PGGHG: variants seen among roughly 807,000 people sequenced by gnomAD.
The protein encoded by PGGHG is protein-glucosylgalactosylhydroxylysine glucosidase.
Under a neutral mutation model 74.5 loss-of-function variants are expected in PGGHG, and 67 were observed. The observed-to-expected ratio is 0.90, with a 90% CI of 0.74 to 1.10. The LOEUF is 1.10. Ranked by LOEUF, PGGHG falls within the 50% of genes least tolerant of loss-of-function variation. PGGHG has a pLI of 0.00. For missense variants in PGGHG, 1,034 were observed against 981.5 expected, an observed-to-expected ratio of 1.05 and a Z score of -0.72; for synonymous variants, 496 against 419.9, an observed-to-expected ratio of 1.18 and a Z score of -2.21.
rs755017190 is a variant in PGGHG at position 293,634 on chromosome 11, C to G, written c.1521C>G (p.Tyr507Ter). 2 of 1,613,640 alleles carry G rather than the reference C, an allele frequency of 1.2e-6. No individual in the cohort carries two copies. Among genetic ancestry groups the G allele is most frequent in the Non-Finnish European group, 1.7e-6 (2 of 1,180,022 alleles). Residue 507 changes from tyrosine (Y) to a stop codon, truncating the protein, a stop_gained, in exon 10 of 14, where the codon TAC becomes TAG. Transcript: ENST00000409548. LOFTEE classifies it high-confidence loss of function. Reference sequence around the variant, plus strand: ...AGGCAGACGTCGTGCTCCTGGGATACCCAGTCCCCTTCTCCCTGAGTCCTG... The same window carrying G: ...AGGCAGACGTCGTGCTCCTGGGATAGCCAGTCCCCTTCTCCCTGAGTCCTG... ...VKQADVVLLG[Y>*]PVPFSLSPDV...
chr11:292,529 C>A lies in PGGHG; in HGVS notation c.1027-17C>A. On this transcript the variant is annotated splice_polypyrimidine_tract_variant and intron_variant, in intron 5 of 13. Coordinates refer to ENST00000409548, the MANE Select transcript of PGGHG (RefSeq NM_025092.5). ...CCCCTCCAACAAGGTCAAGTCTGCC[C>A]CCTCCCAACCCCTCAGGGAGCCAAG... 1 of 1,612,220 alleles carries A rather than the reference C, an allele frequency of 6.2e-7. No individual in the cohort carries two copies.
At position 295,699 on chromosome 11, in the gene PGGHG, T is replaced by G. The variant is rs1845849064; in HGVS notation, c.*950T>G. 6.6e-6 allele frequency: 1 copy of G among 152,448 alleles called. No homozygotes were observed. The highest frequency in any genetic ancestry group is 1.5e-5 in the Non-Finnish European group (1 of 68,100). 9.4% of individuals were successfully genotyped at this position (152,448 alleles called of 1,614,324 possible). A position where few individuals can be genotyped will look rare whatever the true frequency, so the allele number is the denominator to read the frequency against. ...GCATTATTCCTCTGAGGAGCCGCTG[T>G]GCTTCCTTCTGAAGTGAGGGCCGTG... On this transcript the variant is annotated 3_prime_UTR_variant, in exon 14 of 14. Transcript: ENST00000409548.
chr11:293,137 G>C (rs373890304), intron 7 of PGGHG, 26 bp from the exon 8 acceptor site: 57 of 1,613,720 alleles, frequency 3.5e-5, no homozygotes, highest in Non-Finnish European at 4.5e-5. Flanking sequence ...TCTGCACTGA[G>C]CACCATCTTG....
rs200343647 is a variant in PGGHG, at chr11:294,409, G to C, written c.1951G>C (p.Ala651Pro). The change falls in exon 13 of 14, where the codon GCA (alanine) becomes CCA (proline). Residue 651 changes from alanine (A) to proline (P), a missense_variant. Transcript: ENST00000409548. The part of the protein sequence containing the change: ...DSVTVEVTAR[A>P]GPWAPHLEAE... ...CGTGACCGTGGAGGTCACAGCTCGA[G>C]CAGGGCCCTGGGCTCCTCACCTGGA... is the stretch of plus-strand genomic sequence containing the variant. 231 of 1,612,400 alleles carry C rather than the reference G, an allele frequency of 1.4e-4. No homozygotes were observed. The highest frequency in any genetic ancestry group is 1.8e-4 in the Non-Finnish European group (216 of 1,179,962).
At chr11:291,817 C>A in intron 4 of PGGHG, 159 bp from the exon 5 acceptor site, 2 of 1,068,620 alleles carry the variant, frequency 1.9e-6, no homozygotes, top group South Asian at 1.7e-5. Context: ...GGAGACAGAA[C>A]TGGGTGGGCA....
In PGGHG at chr11:292,065, C is replaced by A; in HGVS notation, c.996C>A (p.Ala332=). The change falls in exon 5 of 14, where the codon GCC becomes GCA. Residue 332 remains alanine (A), a synonymous_variant. Coordinates refer to ENST00000409548, the MANE Select transcript of PGGHG (RefSeq NM_025092.5). ...ACCGCATCCGCACGCTGGACGGGGC[C>A]CTGGAGAACGCCCAGAACCTGGGCT... ...LEYRIRTLDG[A]LENAQNLGYQ... The A allele has an allele frequency of 6.3e-7, 1 of 1,578,554 alleles. No homozygotes were observed. Among genetic ancestry groups the A allele is most frequent in the Non-Finnish European group, 8.6e-7 (1 of 1,161,986 alleles).
In PGGHG at chr11:290,390, G is replaced by T; in HGVS notation, c.260G>T (p.Gly87Val). The change falls in exon 3 of 14, where the codon GGC becomes GTC. Residue 87 changes from glycine (G) to valine (V), a missense_variant and splice_region_variant. Physicochemically the swap from Gly to Val is moderately radical, Grantham distance 109. Coordinates refer to ENST00000409548, the MANE Select transcript of PGGHG (RefSeq NM_025092.5). The part of the protein sequence containing the change: ...TETFALDTNT[G>V]SFLHTLEGPR... ...CCTGCCTTCGCTTCTGCCTCCCCAG[G>T]CTCCTTTCTTCACACCCTGGAGGGC... 5 of 1,543,210 alleles carry T rather than the reference G, an allele frequency of 3.2e-6. No individual in the cohort carries two copies. Among genetic ancestry groups the T allele is most frequent in the East Asian group, 2.4e-5 (1 of 40,908 alleles).
intron 5 of PGGHG, 138 bp downstream of exon 5, chr11:292,233 T>C (rs1845744480): frequency 4.7e-6 from 6 of 1,283,718 alleles, no homozygotes; most frequent in Non-Finnish European, 6.2e-6. Flanking sequence ...CTGAGGCTTG[T>C]GGGGCCTCAG....
chr11:291,058 G>A lies in PGGHG; in HGVS notation c.851G>A (p.Gly284Asp), dbSNP rs553210478. 6.2e-7 allele frequency: 1 copy of A among 1,609,138 alleles called. No homozygotes were observed. Among genetic ancestry groups the A allele is most frequent in the Non-Finnish European group, 8.5e-7 (1 of 1,177,586 alleles). Residue 284 changes from glycine to aspartate, a missense_variant, in exon 4 of 14, where the codon GGC becomes GAC. Physicochemically the swap from Gly to Asp is moderately conservative, Grantham distance 94. Transcript: ENST00000409548. ...GYICHGLSPGGLSNGSREECY... is the reference protein window; with the variant it reads ...GYICHGLSPGDLSNGSREECY... ...ATCTGCCATGGCCTCAGTCCTGGGG[G>A]CCTCTCCAATGGGAGCCGTGAGGAA...
chr11:293,075 A>C, intron 7 of PGGHG, 78 bp downstream of exon 7: 1 of 1,613,800 alleles, frequency 6.2e-7, no homozygotes, highest in South Asian at 1.1e-5. Flanking sequence ...CAGACACCTC[A>C]CGTGTGCCAG....
At chr11:293,329 A>G in intron 8 of PGGHG, 37 bp from the exon 9 acceptor site, 1 of 1,605,318 alleles carries the variant, frequency 6.2e-7, no homozygotes, top group South Asian at 1.1e-5. Context: ...CTGGAAGTGT[A>G]GGGGTTGCAG....
chr11:290,029 G>T lies in PGGHG; in HGVS notation c.213G>T (p.Gly71=). 1 of 1,544,882 alleles carries T rather than the reference G, an allele frequency of 6.5e-7. No individual in the cohort carries two copies. The change falls in exon 2 of 14, where the codon GGG becomes GGT. Residue 71 remains glycine (G), a synonymous_variant. Coordinates refer to ENST00000409548, the MANE Select transcript of PGGHG (RefSeq NM_025092.5). ...ACGTCCGGCTGGAGGCCCCTGCAGG[G>T]ATGGGGGAGCAGCTGACCGAGACCT... ...PLNVRLEAPA[G]MGEQLTETFA...
intron 2 of PGGHG, 75 bp downstream of exon 2, chr11:290,150 C>T: frequency 6.9e-7 from 1 of 1,459,682 alleles, no homozygotes; most frequent in Non-Finnish European, 9.1e-7. Flanking sequence ...AGCATCGAAT[C>T]CCACCAGCAC....
intron 2 of PGGHG, 47 bp from the exon 3 acceptor site, chr11:290,343 G>C (rs1285262802): frequency 4.0e-6 from 6 of 1,515,168 alleles, no homozygotes; most frequent in South Asian, 1.2e-5. Context: ...CTGCCCCAGA[G>C]AGGCCATAGC....
chr11:295,814 A>G lies in PGGHG; in HGVS notation c.*1065A>G, dbSNP rs1270043081. The G allele has an allele frequency of 6.6e-6, 1 of 152,236 alleles. No homozygotes were observed. Among genetic ancestry groups the G allele is most frequent in the Non-Finnish European group, 1.5e-5 (1 of 68,070 alleles). The allele number at this position is 152,236 out of a possible 1,614,324, so 9.4% of individuals were successfully genotyped here. Reference sequence around the variant, plus strand: ...GCAACATGGCTCCCCTCGCATCTGCATCTCCCTCCTGCTCTGGTGTTGCCG... The same window carrying G: ...GCAACATGGCTCCCCTCGCATCTGCGTCTCCCTCCTGCTCTGGTGTTGCCG... On this transcript the variant is annotated 3_prime_UTR_variant, in exon 14 of 14. Coordinates refer to ENST00000409548, the MANE Select transcript of PGGHG (RefSeq NM_025092.5).
rs769913021 is a variant in PGGHG at position 292,573 on chromosome 11, G to T, written c.1054G>T (p.Asp352Tyr). ...QGAKFAWESA[D>Y]SGLEVCPEDI... ...AGCCAAGTTTGCCTGGGAGAGTGCA[G>T]ACTCCGGCCTAGAGGTTTGCCCTGA... Residue 352 changes from aspartate (D) to tyrosine (Y), a missense_variant, in exon 6 of 14, where the codon GAC becomes TAC. Physicochemically the swap from Asp to Tyr is radical, Grantham distance 160. Transcript: ENST00000409548. The T allele has an allele frequency of 6.2e-7, 1 of 1,613,522 alleles. No individual in the cohort carries two copies. The highest frequency in any genetic ancestry group is 1.1e-5 in the South Asian group (1 of 91,084).
chr11:291,090 T>G lies in PGGHG; in HGVS notation c.883T>G (p.Trp295Gly). The G allele has an allele frequency of 6.3e-7, 1 of 1,591,700 alleles. No homozygotes were observed. Among genetic ancestry groups the G allele is most frequent in the Non-Finnish European group, 8.6e-7 (1 of 1,166,100 alleles). Residue 295 changes from tryptophan to glycine, a missense_variant, in exon 4 of 14, where the codon TGG becomes GGG. Physicochemically the swap from Trp to Gly is radical, Grantham distance 184 (BLOSUM62 -2). Coordinates refer to ENST00000409548, the MANE Select transcript of PGGHG (RefSeq NM_025092.5). ...CAATGGGAGCCGTGAGGAATGCTACTGGGGCCACGTCTTCTGGGACCAGGT... is the reference window on the plus strand; with the variant it reads ...CAATGGGAGCCGTGAGGAATGCTACGGGGGCCACGTCTTCTGGGACCAGGT... ...LSNGSREECY[W>G]GHVFWDQDLW...
rs139686173 is a variant in PGGHG at position 290,050 on chromosome 11, G to C, written c.234G>C (p.Glu78Asp). The stretch of plus-strand genomic sequence containing the variant: ...CAGGGATGGGGGAGCAGCTGACCGA[G>C]ACCTTCGCCCTGGACACCAACACAG... Reference protein sequence around the residue: ...APAGMGEQLTETFALDTNTGS... With the variant: ...APAGMGEQLTDTFALDTNTGS... The change falls in exon 2 of 14, where the codon GAG (glutamate) becomes GAC (aspartate). Residue 78 changes from glutamate to aspartate, a missense_variant. Transcript: ENST00000409548. 4 of 1,540,018 alleles carry C rather than the reference G, an allele frequency of 2.6e-6. No homozygotes were observed. Among genetic ancestry groups the C allele is most frequent in the Non-Finnish European group, 3.5e-6 (4 of 1,145,152 alleles).
In PGGHG at chr11:292,592, G is replaced by A. The variant is rs1297365400; in HGVS notation, c.1073G>A (p.Cys358Tyr). The A allele has an allele frequency of 1.2e-6, 2 of 1,613,682 alleles. No homozygotes were observed. Among genetic ancestry groups the A allele is most frequent in the African/African-American group, 1.3e-5 (1 of 75,050 alleles). ...WESADSGLEV[C>Y]PEDIYGVQEV... is the part of the protein sequence containing the mutation. ...AGTGCAGACTCCGGCCTAGAGGTTT[G>A]CCCTGAGGACATTTACGGAGTCCAG... Residue 358 changes from cysteine (C) to tyrosine (Y), a missense_variant, in exon 6 of 14, where the codon TGC becomes TAC. Transcript: ENST00000409548.
Sources: allele counts gnomAD v4.1 joint callset, GRCh38; gene constraint gnomAD v4.1.1; transcripts MANE v1.5; gene names NCBI Gene and HGNC (gene_info 2026-07-23, HGNC 2026-07-21).